The following TG variants were observed in gnomAD, a reference collection of about 807,000 sequenced individuals.
The protein encoded by TG is thyroglobulin, also known as thyroid hormones.
Under a neutral mutation model 324.7 loss-of-function variants are expected in TG, and 270 were observed. The observed-to-expected ratio is 0.83, with a 90% CI of 0.75 to 0.92. TG has a LOEUF of 0.92. Ranked by LOEUF, TG falls within the 40% of genes least tolerant of loss-of-function variation. The pLI is 0.00. For missense variants in TG, 3,591 were observed against 3,456.4 expected (o/e 1.04, Z -0.98); for synonymous variants, 1,401 against 1,327.0 (o/e 1.06, Z -1.21).
Position 133,095,786 on chromosome 8 carries a change from C to T in TG, c.7405-420C>T, listed in dbSNP as rs12677481. Reference sequence around the variant, plus strand: ...TGGCCTGATCGCCTTAGCAATGAGTCTGGACTCACAGAATTGGAGCAGGTC... The same window carrying T: ...TGGCCTGATCGCCTTAGCAATGAGTTTGGACTCACAGAATTGGAGCAGGTC... On this transcript the variant is annotated intron_variant, in intron 42 of 47. Coordinates refer to ENST00000220616, the MANE Select transcript of TG (RefSeq NM_003235.5). Among the ~76,000 whole-genome samples the T allele has an allele frequency of 3.1e-3, 474 of 152,336 alleles. 25 individuals carry two copies. The East Asian group carries it at 0.082, about 26-fold the overall frequency.
intron 20 of TG, among the ~76,000 whole-genome samples, chr8:132,918,752 AG>A (rs1820735075): frequency 1.3e-5 from 2 of 152,182 alleles, no homozygotes; most frequent in Admixed American, 1.3e-4. Flanking sequence ...TCTTATATGG[AG>A]ATGATAACTT....
chr8:132,947,637 CT>C (rs3076090), intron 26 of TG, among the ~76,000 whole-genome samples: 44,907 of 150,212 alleles, frequency 0.3, 8,781 homozygotes, highest in African/African-American at 0.55. Context: ...ATATATTGCC[CT>C]TTTTTTTTTT....
chr8:133,072,781 T>C (rs1412990833), intron 41 of TG: 1 of 152,208 alleles, frequency 6.6e-6, no homozygotes, highest in Non-Finnish European at 1.5e-5. Flanking sequence ...GAAAGTGACT[T>C]AGGAAAGTGT....
At chr8:133,022,190 G>A (rs1436057039) in intron 40 of TG, 40 bp downstream of exon 40, 1 of 1,613,488 alleles carries the variant, frequency 6.2e-7, no homozygotes, top group South Asian at 1.1e-5. Flanking sequence ...GACCCCCTGA[G>A]CCAAGGCTCA....
intron 22 of TG, among the ~76,000 whole-genome samples, chr8:132,927,544 A>G (rs1331529967): frequency 6.6e-6 from 1 of 152,270 alleles, no homozygotes; most frequent in Non-Finnish European, 1.5e-5. Context: ...ATGTATAAAT[A>G]TGCAAACTGA....
chr8:133,040,268 G>T, intron 41 of TG: 1 of 909,254 alleles, frequency 1.1e-6, no homozygotes, highest in Non-Finnish European at 1.6e-6. Context: ...AAAGGGGCAT[G>T]GTAGGTGGTG....
chr8:133,131,046 C>T (rs1851910079), intron 45 of TG, among the ~76,000 whole-genome samples: 1 of 152,206 alleles, frequency 6.6e-6, no homozygotes, highest in African/African-American at 2.4e-5. Flanking sequence ...GTATGACTCA[C>T]CTTCCAGAAG....
chr8:132,945,152 G>A (rs1587514981), intron 26 of TG, among the ~76,000 whole-genome samples: 1 of 152,218 alleles, frequency 6.6e-6, no homozygotes. Flanking sequence ...GTCATGGCTT[G>A]AATGTGGAGA....
intron 24 of TG, among the ~76,000 whole-genome samples, chr8:132,934,096 GC>G (rs1412090061): frequency 6.6e-6 from 1 of 152,192 alleles, no homozygotes; most frequent in African/African-American, 2.4e-5. Flanking sequence ...ACTTTGGGAG[GC>G]CTAGGCGGGT....
At chr8:133,060,200 C>A in intron 41 of TG, 2 of 1,613,454 alleles carry the variant, frequency 1.2e-6, no homozygotes, top group Non-Finnish European at 1.7e-6. Flanking sequence ...ATGCCCAGAG[C>A]CTGTGGTATA....
chr8:133,106,979 C>T (rs1849858037), intron 43 of TG, among the ~76,000 whole-genome samples: 1 of 152,140 alleles, frequency 6.6e-6, no homozygotes, highest in African/African-American at 2.4e-5. Flanking sequence ...AGACACCACT[C>T]GGCGTGAACT....
At chr8:133,069,383 G>A (rs1385804777) in intron 41 of TG, among the ~76,000 whole-genome samples, 1 of 152,206 alleles carries the variant, frequency 6.6e-6, no homozygotes, top group East Asian at 1.9e-4. Context: ...CACTTGTCCA[G>A]GGACATGGAC....
intron 34 of TG, among the ~76,000 whole-genome samples, chr8:132,978,609 A>G (rs576169703): frequency 9.2e-5 from 14 of 152,284 alleles, no homozygotes; most frequent in Admixed American, 2.6e-4. Flanking sequence ...TCTTCAGAGC[A>G]TGAGAGAGGA....
chr8:133,031,271 A>G (rs1242440744), intron 41 of TG, among the ~76,000 whole-genome samples: 2 of 152,220 alleles, frequency 1.3e-5, no homozygotes, highest in African/African-American at 4.8e-5. Flanking sequence ...TTTAAGGTCC[A>G]TCCATGTTGT....
chr8:133,079,171 C>T (rs1218160797), intron 41 of TG, among the ~76,000 whole-genome samples: 2 of 152,196 alleles, frequency 1.3e-5, no homozygotes, highest in African/African-American at 4.8e-5. Context: ...AGGCCAGGCT[C>T]TGCTGTACTG....
intron 9 of TG, 22 bp from the exon 10 acceptor site, chr8:132,887,962 C>T (rs1815665736): frequency 1.9e-6 from 3 of 1,600,984 alleles, no homozygotes; most frequent in Admixed American, 1.7e-5. Context: ...AACTGAAACA[C>T]CTGCTCATTG....
In TG at chr8:133,087,650, A is replaced by T. The variant is rs559078491; in HGVS notation, c.7240-7394A>T. 19 of 152,384 alleles carry T rather than the reference A, an allele frequency of 1.2e-4. 1 individual carries two copies. The highest frequency in any genetic ancestry group is 1.0e-3 in the South Asian group (5 of 4,830). 9.4% of individuals were successfully genotyped at this position (152,384 alleles called of 1,614,324 possible). On this transcript the variant is annotated intron_variant, in intron 41 of 47. Transcript: ENST00000220616. Reference sequence around the variant, plus strand: ...CTAATTAAAAATGTAACATTAATTCATTGGAGACAAGTTAGAATAGTCTAA... The same window carrying T: ...CTAATTAAAAATGTAACATTAATTCTTTGGAGACAAGTTAGAATAGTCTAA...
At chr8:132,971,727 G>T in intron 32 of TG, 67 bp from the exon 33 acceptor site, 2 of 1,117,332 alleles carry the variant, frequency 1.8e-6, no homozygotes, top group Middle Eastern at 2.0e-4. Context: ...ACTACCATCA[G>T]CCCACCCAGT....
At position 132,960,892 on chromosome 8, in the gene TG, CAG is replaced by C. The variant is rs931308496; in HGVS notation, c.5402-113_5402-112del. 79 of 1,051,730 alleles carry C rather than the reference CAG, an allele frequency of 7.5e-5. No individual in the cohort carries two copies. In the African/African-American group the frequency reaches 8.3e-4, roughly 11 times the overall value. 65.1% of individuals were successfully genotyped at this position (1,051,730 alleles called of 1,614,324 possible). The stretch of plus-strand genomic sequence containing the variant: ...TCTGGGTTACATCTTACGTGGGAAA[CAG>C]AGTTTTCAGGCCTAGGAAGAGCCTG... On this transcript the variant is annotated intron_variant, in intron 27 of 47. Coordinates refer to ENST00000220616, the MANE Select transcript of TG (RefSeq NM_003235.5).
Sources: allele counts gnomAD v4.1 joint callset (sites outside exome capture counted in the v4.1 genomes callset), GRCh38; gene constraint gnomAD v4.1.1; transcripts MANE v1.5; gene names NCBI Gene and HGNC (gene_info 2026-07-23, HGNC 2026-07-21).